Variants in ZNF250 observed in about 807,000 individuals in gnomAD.
The protein encoded by ZNF250 is zinc finger protein (clone 647).
ZNF250 carries 13 observed loss-of-function variants against 37.1 expected under a neutral mutation model. The ratio of observed to expected loss-of-function variants is 0.35; its 90% confidence interval spans 0.23 to 0.56. The LOEUF (loss-of-function observed/expected upper bound fraction) is 0.56. ZNF250 is among the 20% of genes least tolerant of loss of function. The pLI is 0.87. For synonymous variants in ZNF250, 251 were observed against 265.6 expected (o/e 0.94, Z 0.54); for missense variants, 474 against 697.9 (o/e 0.68, Z 3.61).
chr8:144,885,863 C>A (rs1393022972), intron 5 of ZNF250, among the ~76,000 whole-genome samples: 1 of 151,930 alleles, frequency 6.6e-6, no homozygotes, highest in Admixed American at 6.6e-5. Context: ...CCCAGCACTT[C>A]GGGAGGGCAA....
At position 144,880,366 on chromosome 8, in the gene ZNF250, TGGTGTAACAGCTATGA is replaced by T. The variant is rs1318630032; in HGVS notation, c.*1133_*1148del. On this transcript the variant is annotated 3_prime_UTR_variant, in exon 6 of 6. Transcript: ENST00000417550. ...CATAAGATGTAAAGAGGTACCCACT[TGGTGTAACAGCTATGA>T]GGTCTGCTGAGTGTGAAGCTCCCCT... 2.2e-6 allele frequency: 1 copy of T among 453,672 alleles called. No homozygotes were observed. Among genetic ancestry groups the T allele is most frequent in the African/African-American group, 2.0e-5 (1 of 50,038 alleles). 28.1% of individuals were successfully genotyped at this position (453,672 alleles called of 1,614,324 possible). A position where few individuals can be genotyped will look rare whatever the true frequency, so the allele number is the denominator to read the frequency against.
chr8:144,880,687 A>C lies in ZNF250; in HGVS notation c.*828T>G, dbSNP rs753750128. On this transcript the variant is annotated 3_prime_UTR_variant, in exon 6 of 6. Coordinates refer to ENST00000417550, the MANE Select transcript of ZNF250 (RefSeq NM_001109689.4). ...GAGACCAGCCTGGCCAACACGGTGA[A>C]ACTCCGTCTCTACTAAAAATACAAA... 29 of 332,574 alleles carry C rather than the reference A, an allele frequency of 8.7e-5. No individual in the cohort carries two copies. Among genetic ancestry groups the C allele is most frequent in the Non-Finnish European group, 1.6e-4 (26 of 165,156 alleles). 20.6% of individuals were successfully genotyped at this position (332,574 alleles called of 1,614,324 possible). A position where few individuals can be genotyped will look rare whatever the true frequency, so the allele number is the denominator to read the frequency against.
chr8:144,896,488 A>G (rs28722690), intron 1 of ZNF250, among the ~76,000 whole-genome samples: 1,617 of 152,310 alleles, frequency 0.011, 31 homozygotes, highest in African/African-American at 0.037. Context: ...AGCCTGTAAC[A>G]GGATACCAGG....
chr8:144,900,758 T>C (rs1322782583), intron 1 of ZNF250, among the ~76,000 whole-genome samples: 1 of 152,150 alleles, frequency 6.6e-6, no homozygotes, highest in Non-Finnish European at 1.5e-5. Context: ...GTTTTCGTCT[T>C]GACGCGGGAA....
Position 144,881,947 on chromosome 8 carries a change from G to A in ZNF250, c.1236C>T (p.His412=), listed in dbSNP as rs1831504065. The change falls in exon 6 of 6, where the codon CAC becomes CAT. Residue 412 remains histidine (H), a synonymous_variant. Transcript: ENST00000417550. ...RSTLMNHERI[H]TEEKPYACYE... ...AGCATGCATAGGGCTTTTCCTCGGT[G>A]TGGATCCGCTCGTGATTCATCAGTG... 1.2e-6 allele frequency: 2 copies of A among 1,614,008 alleles called. No individual in the cohort carries two copies. Among genetic ancestry groups the A allele is most frequent in the African/African-American group, 1.3e-5 (1 of 74,898 alleles).
Position 144,882,952 on chromosome 8 carries a change from T to G in ZNF250, c.347-116A>C. On this transcript the variant is annotated intron_variant, in intron 5 of 5. Transcript: ENST00000417550. This position sits in a 1 kb window ranked among gnomAD's most constrained non-coding sequence, Gnocchi z 5.5. ...CAAAATCCCTCAATGCACACGTTGG[T>G]GTGAGCTACAGAAGAACAGAACCAC... 1 of 1,135,528 alleles carries G rather than the reference T, an allele frequency of 8.8e-7. No individual in the cohort carries two copies. The highest frequency in any genetic ancestry group is 1.3e-6 in the Non-Finnish European group (1 of 791,584). The allele number at this position is 1,135,528 out of a possible 1,614,324, so 70.3% of individuals were successfully genotyped here.
At chr8:144,885,412 C>A (rs574065488) in intron 5 of ZNF250, among the ~76,000 whole-genome samples, 2 of 152,234 alleles carry the variant, frequency 1.3e-5, no homozygotes, top group African/African-American at 4.8e-5. Context: ...TGAGCCACCA[C>A]CCCCGGCCCA....
At position 144,890,045 on chromosome 8, in the gene ZNF250, G is replaced by A; in HGVS notation, c.57C>T (p.Phe19=). The part of the protein sequence containing the change: ...VPAGPQAKLT[F]EDVAVLLSQD... ...GGGAGAGGAGCACAGCCACATCCTC[G>A]AAGGTCAGCTTGGCCTGGAACGACA... The change falls in exon 3 of 6, where the codon TTC becomes TTT. Residue 19 remains phenylalanine, a synonymous_variant. Transcript: ENST00000417550. This position sits in a 1 kb window ranked among gnomAD's most constrained non-coding sequence, Gnocchi z 5.1. 1 of 1,612,852 alleles carries A rather than the reference G, an allele frequency of 6.2e-7. No homozygotes were observed. The highest frequency in any genetic ancestry group is 8.5e-7 in the Non-Finnish European group (1 of 1,179,448).
In ZNF250 at chr8:144,881,510, A is replaced by G. The variant is rs1289995673; in HGVS notation, c.*5T>C. The G allele has an allele frequency of 3.8e-6, 6 of 1,573,266 alleles. No individual in the cohort carries two copies. Among genetic ancestry groups the G allele is most frequent in the South Asian group, 1.2e-5 (1 of 85,370 alleles). ...GTGAGAATGGATTCTTGTGTCAGCC[A>G]TGGGTCACAACTTTCTGTGCACTTT... On this transcript the variant is annotated 3_prime_UTR_variant, in exon 6 of 6. Transcript: ENST00000417550.
chr8:144,885,382 A>C lies in ZNF250; in HGVS notation c.346+1458T>G, dbSNP rs535322624. ...GTGGTCCATCTGCCTCGGCCTCCCA[A>C]AGTGCTGAGATTACAGGCATGAGCC... On this transcript the variant is annotated intron_variant, in intron 5 of 5. Transcript: ENST00000417550. 4.2e-3 allele frequency among the ~76,000 whole-genome samples: 644 copies of C among 152,272 alleles called. 4 individuals are homozygous for C. Among genetic ancestry groups the C allele is most frequent in the African/African-American group, 0.015 (620 of 41,550 alleles).
intron 1 of ZNF250, among the ~76,000 whole-genome samples, chr8:144,899,892 A>G (rs141804171): frequency 6.6e-6 from 1 of 152,344 alleles, no homozygotes; most frequent in African/African-American, 2.4e-5. Flanking sequence ...TTTAAAAATA[A>G]TCTTGGAGTG....
rs1304460166 is a variant in ZNF250 at position 144,880,357 on chromosome 8, G to C, written c.*1158C>G. 2.2e-6 allele frequency: 1 copy of C among 451,214 alleles called. No individual in the cohort carries two copies. The highest frequency in any genetic ancestry group is 2.0e-5 in the African/African-American group (1 of 49,976). 28.0% of individuals were successfully genotyped at this position (451,214 alleles called of 1,614,324 possible). On this transcript the variant is annotated 3_prime_UTR_variant, in exon 6 of 6. Transcript: ENST00000417550. Reference sequence around the variant, plus strand: ...GGGAAATACCATAAGATGTAAAGAGGTACCCACTTGGTGTAACAGCTATGA... The same window carrying C: ...GGGAAATACCATAAGATGTAAAGAGCTACCCACTTGGTGTAACAGCTATGA...
In ZNF250 at chr8:144,889,918, G is replaced by A. The variant is rs1325750759; in HGVS notation, c.169+15C>T. On this transcript the variant is annotated intron_variant, in intron 3 of 5. Coordinates refer to ENST00000417550, the MANE Select transcript of ZNF250 (RefSeq NM_001109689.4). ...ATACGCAGATACATAGACGAGGCCT[G>A]CTAAGGTGGCTTACCCAATGAGACT... 6.3e-7 allele frequency: 1 copy of A among 1,590,318 alleles called. No homozygotes were observed. Among genetic ancestry groups the A allele is most frequent in the Non-Finnish European group, 8.6e-7 (1 of 1,165,656 alleles).
At chr8:144,894,806 A>G (rs1402333788) in intron 1 of ZNF250, among the ~76,000 whole-genome samples, 1 of 148,876 alleles carries the variant, frequency 6.7e-6, no homozygotes, top group Non-Finnish European at 1.5e-5. Context: ...TACAGGTTGC[A>G]CCACCATGCC....
At position 144,878,850 on chromosome 8, in the gene ZNF250, C is replaced by T. The variant is rs566651439; in HGVS notation, c.*2665G>A. ...GATCCCATTTCCGTTATTTCAGCTCCTCTGAAGTAAACCTCAGTGGTCAGA... is the reference window on the plus strand; with the variant it reads ...GATCCCATTTCCGTTATTTCAGCTCTTCTGAAGTAAACCTCAGTGGTCAGA... On this transcript the variant is annotated 3_prime_UTR_variant, in exon 6 of 6. Transcript: ENST00000417550. 1 of 152,218 alleles carries T rather than the reference C, an allele frequency of 6.6e-6. No individual in the cohort carries two copies. The highest frequency in any genetic ancestry group is 2.1e-4 in the South Asian group (1 of 4,834). The allele number at this position is 152,218 out of a possible 1,614,324, so 9.4% of individuals were successfully genotyped here.
rs946661597 is a variant in ZNF250, at chr8:144,880,800, G to A, written c.*715C>T. 10 of 269,846 alleles carry A rather than the reference G, an allele frequency of 3.7e-5. No individual in the cohort carries two copies. The highest frequency in any genetic ancestry group is 1.5e-4 in the South Asian group (4 of 26,154). The allele number at this position is 269,846 out of a possible 1,614,324, so 16.7% of individuals were successfully genotyped here. A position where few individuals can be genotyped will look rare whatever the true frequency, so the allele number is the denominator to read the frequency against. Reference sequence around the variant, plus strand: ...AAAAGCTTGAACCTGGGGTGGGGGCGGAGACTGCAGTGAGCCAAGATCATG... The same window carrying A: ...AAAAGCTTGAACCTGGGGTGGGGGCAGAGACTGCAGTGAGCCAAGATCATG... On this transcript the variant is annotated 3_prime_UTR_variant, in exon 6 of 6. Transcript: ENST00000417550.
chr8:144,896,575 A>T (rs2129878270), intron 1 of ZNF250, among the ~76,000 whole-genome samples: 1 of 152,298 alleles, frequency 6.6e-6, no homozygotes, highest in South Asian at 2.1e-4. Context: ...CGGGGGTGCC[A>T]GAAACTGGCT....
intron 3 of ZNF250, 49 bp downstream of exon 3, chr8:144,889,884 C>T: frequency 6.4e-7 from 1 of 1,555,676 alleles, no homozygotes. Context: ...AAGCCCCCAC[C>T]CCAGTCCAAT....
chr8:144,901,873 C>T (rs1050725226), upstream of ZNF250: 4 of 152,518 alleles, frequency 2.6e-5, no homozygotes, highest in African/African-American at 4.8e-5. The surrounding 1 kb of genome is among the most constrained non-coding windows in gnomAD (Gnocchi z 5.4). Flanking sequence ...GCTCGTTCCC[C>T]CCTCCGAGCC....
Sources: gnomAD v4.1 joint callset for allele counts (sites outside exome capture counted in the v4.1 genomes callset) on GRCh38, gnomAD v4.1.1 for gene constraint, Gnocchi (gnomAD v3.1) non-coding constraint, MANE v1.5 for transcripts, NCBI Gene and HGNC (gene_info 2026-07-23, HGNC 2026-07-21) for gene names.